TLL2: variants seen among roughly 807,000 people sequenced by gnomAD.
The protein encoded by TLL2 is tolloid-like protein 2.
Under a neutral mutation model 123.0 loss-of-function variants are expected in TLL2, and 106 were observed. That is an observed-to-expected ratio of 0.86 (90% CI 0.74 to 1.01). The LOEUF (loss-of-function observed/expected upper bound fraction) is 1.01. Among genes scored for constraint, TLL2 ranks in the 50% least tolerant of loss-of-function variants. The pLI is 0.00. For synonymous variants in TLL2, 494 were observed against 516.8 expected, an observed-to-expected ratio of 0.96 and a Z score of 0.60; for missense variants, 1,332 against 1,336.7, an observed-to-expected ratio of 1.00 and a Z score of 0.06.
At chr10:96,414,460 C>A (rs1830579271) in intron 7 of TLL2, among the ~76,000 whole-genome samples, 1 of 152,040 alleles carries the variant, frequency 6.6e-6, no homozygotes, top group Admixed American at 6.5e-5. Flanking sequence ...TCCCTCCTCA[C>A]TGTCTTCTCC....
At chr10:96,418,942 T>G (rs74151319) in intron 7 of TLL2, among the ~76,000 whole-genome samples, 1,766 of 152,126 alleles carry the variant, frequency 0.012, 34 homozygotes, top group African/African-American at 0.04. Flanking sequence ...AGCTTCTCCC[T>G]TGGGCCAACT....
chr10:96,457,514 C>G (rs887048143), intron 2 of TLL2, among the ~76,000 whole-genome samples: 1 of 152,230 alleles, frequency 6.6e-6, no homozygotes, highest in African/African-American at 2.4e-5. Context: ...CGAACAGCCA[C>G]TGGGGCCTGG....
At chr10:96,442,372 C>A (rs758379939) in intron 3 of TLL2, among the ~76,000 whole-genome samples, 3 of 152,196 alleles carry the variant, frequency 2.0e-5, no homozygotes, top group African/African-American at 7.2e-5. Context: ...GAGATTGACA[C>A]AACGTGTCTT....
At chr10:96,450,353 CACCTGGGAA>C (rs3033660) in intron 2 of TLL2, among the ~76,000 whole-genome samples, 51,353 of 151,734 alleles carry the variant, frequency 0.34, 9,063 homozygotes, top group East Asian at 0.64. Flanking sequence ...CGATTTGAAT[CACCTGGGAA>C]GCCTTTAAAA....
rs565605865 is a variant in TLL2, at chr10:96,482,299, C to T, written c.176-1840G>A. 2.6e-3 allele frequency among the ~76,000 whole-genome samples: 397 copies of T among 151,620 alleles called. 2 individuals are homozygous for T. Among genetic ancestry groups the T allele is most frequent in the African/African-American group, 9.2e-3 (380 of 41,394 alleles). ...AAAAAACCTGAAAACTTAAATTTAT[C>T]GTGAGACCCAGCAATTCAACTCCTA... On this transcript the variant is annotated intron_variant, in intron 1 of 20. Coordinates refer to ENST00000357947, the MANE Select transcript of TLL2 (RefSeq NM_012465.4).
chr10:96,384,653 T>A lies in TLL2; in HGVS notation c.2128A>T (p.Met710Leu), dbSNP rs1846214670. Reference protein sequence around the residue: ...PEVITSQSNNMRVEFKSDNTV... With the variant: ...PEVITSQSNNLRVEFKSDNTV... ...TTGTCGGACTTGAACTCCACGCGCA[T>A]GTTGTTGCTCTGCGAGGTGATGACC... Residue 710 changes from methionine to leucine, a missense_variant, in exon 16 of 21, where the codon ATG (methionine) becomes TTG (leucine). Transcript: ENST00000357947. 2 of 1,612,574 alleles carry A rather than the reference T, an allele frequency of 1.2e-6. No homozygotes were observed. Among genetic ancestry groups the A allele is most frequent in the South Asian group, 1.1e-5 (1 of 90,798 alleles).
chr10:96,485,008 C>T (rs939406656), intron 1 of TLL2, among the ~76,000 whole-genome samples: 16 of 152,286 alleles, frequency 1.1e-4, no homozygotes, highest in Middle Eastern at 3.4e-3. Flanking sequence ...ATTTCTAGGT[C>T]GGAGTTTCCC....
chr10:96,489,966 C>T (rs1236940547), intron 1 of TLL2, among the ~76,000 whole-genome samples: 10 of 151,826 alleles, frequency 6.6e-5, no homozygotes, highest in African/African-American at 1.9e-4. Flanking sequence ...CGTGGTTGTG[C>T]GCGCCTGTAG....
At position 96,444,789 on chromosome 10, in the gene TLL2, T is replaced by C. The variant is rs562275079; in HGVS notation, c.364+1302A>G. Among the ~76,000 whole-genome samples, 8 of 152,352 alleles carry C rather than the reference T, an allele frequency of 5.3e-5. No homozygotes were observed. The South Asian group carries it at 1.5e-3, about 28-fold the overall frequency. ...GTGTAAAATTACATATATGCAAGTA[T>C]ATATGTAAAAATGTAAAATAGCATG... On this transcript the variant is annotated intron_variant, in intron 3 of 20. Transcript: ENST00000357947.
chr10:96,404,388 G>A lies in TLL2; in HGVS notation c.1267+844C>T, dbSNP rs79360064. ...TGTTCATCTCACCAAAACAATACAC[G>A]CTCATCATAGAAAAACTGGAAAATA... is the stretch of plus-strand genomic sequence containing the variant. On this transcript the variant is annotated intron_variant, in intron 10 of 20. Transcript: ENST00000357947. Among the ~76,000 whole-genome samples the A allele has an allele frequency of 4.2e-3, 643 of 152,072 alleles. 6 individuals are homozygous for A. The highest frequency in any genetic ancestry group is 0.014 in the African/African-American group (590 of 41,456).
At chr10:96,449,825 A>C (rs1564909568) in intron 2 of TLL2, among the ~76,000 whole-genome samples, 1 of 150,916 alleles carries the variant, frequency 6.6e-6, no homozygotes. Flanking sequence ...AACCACACCC[A>C]CCTCTTCATC....
intron 19 of TLL2, among the ~76,000 whole-genome samples, chr10:96,371,928 A>G (rs1846088313): frequency 6.6e-6 from 1 of 152,208 alleles, no homozygotes; most frequent in African/African-American, 2.4e-5. Flanking sequence ...TCCAGCTTCC[A>G]GGAACTGCTC....
At chr10:96,425,960 C>T (rs148112386) in intron 5 of TLL2, among the ~76,000 whole-genome samples, 2 of 152,056 alleles carry the variant, frequency 1.3e-5, no homozygotes, top group African/African-American at 2.4e-5. Context: ...GAAGTATCAT[C>T]GATAAACATG....
At chr10:96,444,139 T>C (rs1034002719) in intron 3 of TLL2, among the ~76,000 whole-genome samples, 2 of 152,182 alleles carry the variant, frequency 1.3e-5, no homozygotes, top group Admixed American at 1.3e-4. Context: ...TGATAATGAG[T>C]TCTCCCTACT....
intron 2 of TLL2, among the ~76,000 whole-genome samples, chr10:96,449,629 C>A (rs892341505): frequency 1.3e-5 from 2 of 151,978 alleles, no homozygotes. Context: ...TCCCCCCTGC[C>A]CTTGGGATAG....
rs1050747271 is a variant in TLL2 at position 96,408,618 on chromosome 10, C to A, written c.1164+1741G>T. Among the ~76,000 whole-genome samples, 3 of 152,158 alleles carry A rather than the reference C, an allele frequency of 2.0e-5. No individual in the cohort carries two copies. The East Asian group carries it at 5.8e-4, about 29-fold the overall frequency. ...CAGGCACATGGATTTCACATCTACC[C>A]AAGGCAGACAGGTCTGGGATCTCAG... On this transcript the variant is annotated intron_variant, in intron 9 of 20. Coordinates refer to ENST00000357947, the MANE Select transcript of TLL2 (RefSeq NM_012465.4).
intron 3 of TLL2, among the ~76,000 whole-genome samples, chr10:96,444,542 G>C (rs1002269879): frequency 6.6e-6 from 1 of 152,140 alleles, no homozygotes; most frequent in African/African-American, 2.4e-5. Context: ...TTTATGTTTA[G>C]ATGTATGCTT....
At position 96,395,996 on chromosome 10, in the gene TLL2, T is replaced by G. The variant is rs575638618; in HGVS notation, c.1409A>C (p.Lys470Thr). The G allele has an allele frequency of 1.2e-5, 20 of 1,614,122 alleles. No homozygotes were observed. In the South Asian group the frequency reaches 2.0e-4, roughly 16 times the overall value. ...YEATCGGDMN[K>T]DAGQIQSPNY... is the part of the protein sequence containing the mutation. ...GGGAGATTGAATCTGACCGGCATCT[T>G]TGTTCATGTCTCCCCCGCAGGTAGC... The change falls in exon 12 of 21, where the codon AAA becomes ACA. Residue 470 changes from lysine to threonine, a missense_variant. Transcript: ENST00000357947.
At chr10:96,504,954 GCC>G (rs1240901173) in intron 1 of TLL2, among the ~76,000 whole-genome samples, 2 of 152,222 alleles carry the variant, frequency 1.3e-5, no homozygotes, top group Non-Finnish European at 2.9e-5. Flanking sequence ...CGTTCAGTGA[GCC>G]GAGATCGCAC....
Sources: gnomAD v4.1 joint callset for allele counts (sites outside exome capture counted in the v4.1 genomes callset) on GRCh38, gnomAD v4.1.1 for gene constraint, MANE v1.5 for transcripts, NCBI Gene and HGNC (gene_info 2026-07-23, HGNC 2026-07-21) for gene names.